CD44: variants seen among roughly 807,000 people sequenced by gnomAD.
CD44 encodes CD44 molecule (IN blood group).
Under a neutral mutation model 88.8 loss-of-function variants are expected in CD44, and 49 were observed. The ratio of observed to expected loss-of-function variants is 0.55; its 90% CI spans 0.44 to 0.70. The LOEUF is 0.70. Among genes scored for constraint, CD44 ranks in the 30% least tolerant of loss-of-function variants. CD44 has a pLI of 0.00. For missense variants in CD44, 883 were observed against 913.8 expected, an observed-to-expected ratio of 0.97 and a Z score of 0.43; for synonymous variants, 325 against 312.3, an observed-to-expected ratio of 1.04 and a Z score of -0.43.
rs141583188 is a variant in CD44, at chr11:35,158,794, G to A, written c.68-17781G>A. ...GGCTTCCTGGAACAACTGTTGCTGA[G>A]CAAATGAAGCAGCATGGAATGTTCC... On this transcript the variant is annotated intron_variant, in intron 1 of 17. Transcript: ENST00000428726. Among the ~76,000 whole-genome samples the A allele has an allele frequency of 2.0e-4, 30 of 152,366 alleles. No homozygotes were observed. The East Asian group carries it at 5.8e-3, about 29-fold the overall frequency.
At position 35,151,773 on chromosome 11, in the gene CD44, T is replaced by C. The variant is rs553816086; in HGVS notation, c.67+12403T>C. Among the ~76,000 whole-genome samples, 233 of 152,338 alleles carry C rather than the reference T, an allele frequency of 1.5e-3. 1 individual carries two copies. Among genetic ancestry groups the C allele is most frequent in the South Asian group, 2.1e-3 (10 of 4,826 alleles). Reference sequence around the variant, plus strand: ...CTGTCCAGCTAGCCATACTATAGACTCTATCTCCTTCTAGAACAGTAAAAA... The same window carrying C: ...CTGTCCAGCTAGCCATACTATAGACCCTATCTCCTTCTAGAACAGTAAAAA... On this transcript the variant is annotated intron_variant, in intron 1 of 17. Coordinates refer to ENST00000428726, the MANE Select transcript of CD44 (RefSeq NM_000610.4).
intron 13 of CD44, chr11:35,210,327 A>G: frequency 4.6e-6 from 1 of 218,896 alleles, no homozygotes. Flanking sequence ...TTGCTTATAT[A>G]TGATTTATTT....
At chr11:35,222,542 C>G (rs779214345) in intron 17 of CD44, 77 of 1,018,456 alleles carry the variant, frequency 7.6e-5, no homozygotes, top group Non-Finnish European at 8.6e-5. Context: ...GAAGGCCACT[C>G]TCTCCCTACC....
chr11:35,149,443 G>C (rs1323461187), intron 1 of CD44, among the ~76,000 whole-genome samples: 1 of 152,226 alleles, frequency 6.6e-6, no homozygotes, highest in Admixed American at 6.5e-5. Flanking sequence ...AGCTTGGGCA[G>C]TTGCACTTGT....
intron 15 of CD44, among the ~76,000 whole-genome samples, chr11:35,216,095 G>A (rs1948811331): frequency 6.6e-6 from 1 of 151,552 alleles, no homozygotes; most frequent in Non-Finnish European, 1.5e-5. Flanking sequence ...CAAGCCTGGA[G>A]GGCCTTGTAT....
At chr11:35,190,191 C>A in intron 5 of CD44, 126 bp downstream of exon 5, 1 of 799,060 alleles carries the variant, frequency 1.3e-6, no homozygotes, top group Non-Finnish European at 2.1e-6. Context: ...CTGGTGATGC[C>A]ATTCAGGGAG....
Position 35,229,301 on chromosome 11 carries a change from C to T in CD44, c.2197C>T (p.Leu733=). The T allele has an allele frequency of 6.2e-7, 1 of 1,613,612 alleles. No individual in the cohort carries two copies. The highest frequency in any genetic ancestry group is 8.5e-7 in the Non-Finnish European group (1 of 1,179,574). ...TATGACAGCTGATGAGACAAGGAAC[C>T]TGCAGAATGTGGACATGAAGATTGG... ...QFMTADETRN[L]QNVDMKIGV Residue 733 remains leucine, a synonymous_variant, in exon 18 of 18, where the codon CTG becomes TTG. Transcript: ENST00000428726.
chr11:35,215,939 T>A (rs191961731), intron 15 of CD44, among the ~76,000 whole-genome samples: 66 of 149,854 alleles, frequency 4.4e-4, no homozygotes, highest in African/African-American at 1.5e-3. Flanking sequence ...GTTTATCTAG[T>A]ATGAACTCAT....
In CD44 at chr11:35,190,015, A is replaced by G. The variant is rs144799367; in HGVS notation, c.617A>G (p.Asp206Gly). Reference sequence around the variant, plus strand: ...TTTTCTACTGTACACCCCATCCCAGACGAAGACAGTCCCTGGATCACCGAC... The same window carrying G: ...TTTTCTACTGTACACCCCATCCCAGGCGAAGACAGTCCCTGGATCACCGAC... The part of the protein sequence containing the change: ...YTFSTVHPIP[D>G]EDSPWITDST... The change falls in exon 5 of 18, where the codon GAC becomes GGC. Residue 206 changes from aspartate to glycine, a missense_variant. By Grantham distance (94) the Asp-to-Gly change is moderately conservative. This residue lies in a region of CD44 where 252 missense variants were observed against 322.9 expected (regional missense o/e 0.78). Coordinates refer to ENST00000428726, the MANE Select transcript of CD44 (RefSeq NM_000610.4). 1.9e-6 allele frequency: 3 copies of G among 1,614,192 alleles called. No individual in the cohort carries two copies. Among genetic ancestry groups the G allele is most frequent in the Non-Finnish European group, 2.5e-6 (3 of 1,180,018 alleles).
intron 4 of CD44, among the ~76,000 whole-genome samples, chr11:35,189,325 T>C (rs544883806): frequency 5.3e-5 from 8 of 152,360 alleles, no homozygotes; most frequent in African/African-American, 1.9e-4. Flanking sequence ...AAAATCTTCA[T>C]CATTTTGCAG....
intron 1 of CD44, among the ~76,000 whole-genome samples, chr11:35,154,485 A>G (rs1159296858): frequency 1.3e-5 from 2 of 152,214 alleles, no homozygotes; most frequent in African/African-American, 2.4e-5. Context: ...ATCATTTAAG[A>G]TGCCTTCAGA....
intron 14 of CD44, 77 bp from the exon 15 acceptor site, chr11:35,214,775 A>T: frequency 3.8e-6 from 3 of 792,362 alleles, no homozygotes; most frequent in East Asian, 3.0e-5. Flanking sequence ...GCTGTATAAG[A>T]ATGCAAAGGT....
At chr11:35,175,953 C>T (rs1219653754) in intron 1 of CD44, among the ~76,000 whole-genome samples, 3 of 150,346 alleles carry the variant, frequency 2.0e-5, no homozygotes, top group African/African-American at 7.3e-5. Flanking sequence ...GTAACCTCTG[C>T]CTCCTGGTTC....
chr11:35,208,536 A>G (rs112047765), intron 12 of CD44, among the ~76,000 whole-genome samples: 148 of 152,232 alleles, frequency 9.7e-4, no homozygotes, highest in African/African-American at 3.5e-3. Context: ...GTTTTAACTG[A>G]CCATTTCCTT....
At chr11:35,180,190 C>G in intron 2 of CD44, 84 bp from the exon 3 acceptor site, 2 of 1,369,738 alleles carry the variant, frequency 1.5e-6, no homozygotes, top group Non-Finnish European at 2.1e-6. Context: ...AAGTGTTGCA[C>G]GGCATTAAAT....
chr11:35,150,212 C>G (rs1031267675), intron 1 of CD44, among the ~76,000 whole-genome samples: 3 of 152,174 alleles, frequency 2.0e-5, no homozygotes, highest in Non-Finnish European at 4.4e-5. Context: ...ACAAAATTAA[C>G]CACAATATTC....
intron 1 of CD44, chr11:35,139,597 T>A: frequency 1.3e-6 from 1 of 756,032 alleles, no homozygotes; most frequent in Non-Finnish European, 2.4e-6. Flanking sequence ...AGAAGAAAGT[T>A]TGTTGGGCAG....
intron 17 of CD44, among the ~76,000 whole-genome samples, chr11:35,224,629 C>T (rs959685944): frequency 7.9e-5 from 12 of 151,958 alleles, no homozygotes; most frequent in Non-Finnish European, 1.3e-4. Context: ...CTCAGCTGCT[C>T]GGGAGGTTGA....
chr11:35,161,516 G>A (rs1942609942), intron 1 of CD44, among the ~76,000 whole-genome samples: 1 of 152,212 alleles, frequency 6.6e-6, no homozygotes, highest in African/African-American at 2.4e-5. Flanking sequence ...AGCCTTGCAA[G>A]CGTTCAGAGG....
Sources: allele counts gnomAD v4.1 joint callset (sites outside exome capture counted in the v4.1 genomes callset), GRCh38; gene constraint gnomAD v4.1.1; regional missense constraint gnomAD v4.1.1; transcripts MANE v1.5; gene names NCBI Gene and HGNC (gene_info 2026-07-23, HGNC 2026-07-21).